The following TFCP2 variants were observed in gnomAD, a reference collection of about 807,000 sequenced individuals.
The protein encoded by TFCP2 is alpha-globin transcription factor CP2.
A neutral mutation model predicts 73.4 loss-of-function variants in TFCP2; 33 were observed. The ratio of observed to expected loss-of-function variants is 0.45; its 90% confidence interval spans 0.34 to 0.60. TFCP2 has a LOEUF of 0.60. TFCP2 is among the 20% of genes least tolerant of loss of function. The pLI is 0.01. For synonymous variants in TFCP2, 193 were observed against 211.6 expected (o/e 0.91, Z 0.76); for missense variants, 352 against 604.0 (o/e 0.58, Z 4.37).
At chr12:51,100,657 A>G (rs7969803) in intron 11 of TFCP2, among the ~76,000 whole-genome samples, 65,928 of 151,944 alleles carry the variant, frequency 0.43, 16,043 homozygotes, top group Non-Finnish European at 0.56. Context: ...CTCTACAAAA[A>G]GTACAAAATT....
intron 11 of TFCP2, among the ~76,000 whole-genome samples, chr12:51,101,019 A>C (rs1042124555): frequency 6.6e-6 from 1 of 151,988 alleles, no homozygotes; most frequent in Admixed American, 6.6e-5. Flanking sequence ...TCCTACCCAC[A>C]TTTGCCGGGT....
At chr12:51,098,643 A>G in intron 13 of TFCP2, 133 bp downstream of exon 13, 2 of 1,028,634 alleles carry the variant, frequency 1.9e-6, no homozygotes, top group Non-Finnish European at 1.4e-6. Flanking sequence ...AAAAATTAGG[A>G]GGAAAGCAAG....
At chr12:51,136,649 A>AC (rs76051705) in intron 1 of TFCP2, among the ~76,000 whole-genome samples, 149,783 of 152,266 alleles carry the variant, frequency 0.98, 73,712 homozygotes, top group Middle Eastern at 1. Context: ...TAAAAACTAC[A>AC]CATAGGCTGG....
At chr12:51,102,181 G>C (rs1940125296) in intron 10 of TFCP2, among the ~76,000 whole-genome samples, 156 bp from the exon 11 acceptor site, 1 of 152,048 alleles carries the variant, frequency 6.6e-6, no homozygotes, top group Non-Finnish European at 1.5e-5. Flanking sequence ...CTGGCTCCTA[G>C]CTCCTCTCCC....
intron 1 of TFCP2, among the ~76,000 whole-genome samples, chr12:51,162,566 T>C (rs1015519474): frequency 2.6e-5 from 4 of 152,220 alleles, no homozygotes; most frequent in African/African-American, 9.7e-5. Context: ...GCTTCTCTTT[T>C]TTGTGGTGAA....
chr12:51,169,203 G>A (rs1003594776), intron 1 of TFCP2, among the ~76,000 whole-genome samples: 3 of 151,924 alleles, frequency 2.0e-5, no homozygotes, highest in African/African-American at 7.2e-5. Flanking sequence ...GATTAAATGT[G>A]TATAAGTCAA....
chr12:51,144,975 C>A (rs10876142), intron 1 of TFCP2, among the ~76,000 whole-genome samples: 2 of 151,688 alleles, frequency 1.3e-5, no homozygotes, highest in Non-Finnish European at 2.9e-5. Flanking sequence ...CCGAGGTGGG[C>A]GGATCACTTG....
rs11347975 is a variant in TFCP2 at position 51,122,253 on chromosome 12, CTTTTTTT to C, written c.123-3488_123-3482del. 1.4e-4 allele frequency among the ~76,000 whole-genome samples: 10 copies of C among 73,142 alleles called. No individual in the cohort carries two copies. The East Asian group carries it at 2.7e-3, about 20-fold the overall frequency. 48.0% of individuals were successfully genotyped at this position (73,142 alleles called of 152,430 possible). A position where few individuals can be genotyped will look rare whatever the true frequency, so the allele number is the denominator to read the frequency against. ...GAAACAGTTTTATTTTTTTTCTTTT[CTTTTTTT>C]TTTTTTTTTTTTTTTTGAGATAGAG... On this transcript the variant is annotated intron_variant, in intron 1 of 14. Coordinates refer to ENST00000257915, the MANE Select transcript of TFCP2 (RefSeq NM_005653.5).
At position 51,167,478 on chromosome 12, in the gene TFCP2, C is replaced by T. The variant is rs112919659; in HGVS notation, c.122+4823G>A. Among the ~76,000 whole-genome samples the T allele has an allele frequency of 5.9e-3, 897 of 152,150 alleles. 6 individuals are homozygous for T. The highest frequency in any genetic ancestry group is 0.02 in the African/African-American group (831 of 41,496). On this transcript the variant is annotated intron_variant, in intron 1 of 14. Transcript: ENST00000257915. The stretch of plus-strand genomic sequence containing the variant: ...CTCGATCTTGGCTCACTGCAACCTC[C>T]GCCTCCCAGGTTTAAGTCATTCTCT...
chr12:51,160,140 T>TA (rs1160011115), intron 1 of TFCP2, among the ~76,000 whole-genome samples: 1 of 150,194 alleles, frequency 6.7e-6, no homozygotes, highest in Non-Finnish European at 1.5e-5. Flanking sequence ...TGAATTTTTT[T>TA]TTTTTTTTTT....
chr12:51,138,522 T>C (rs777225641), intron 1 of TFCP2, among the ~76,000 whole-genome samples: 22 of 152,194 alleles, frequency 1.4e-4, no homozygotes, highest in Non-Finnish European at 1.0e-4. Flanking sequence ...AGTACCAGAA[T>C]AGTTAGTCCT....
chr12:51,161,057 G>A (rs536278774), intron 1 of TFCP2, among the ~76,000 whole-genome samples: 2 of 152,126 alleles, frequency 1.3e-5, no homozygotes, highest in African/African-American at 2.4e-5. Flanking sequence ...AACTTAAAGG[G>A]AGAGAACACT....
At chr12:51,111,076 C>T in intron 4 of TFCP2, 93 bp from the exon 5 acceptor site, 2 of 876,108 alleles carry the variant, frequency 2.3e-6, no homozygotes, top group Non-Finnish European at 3.7e-6. Context: ...AATGTAGCTA[C>T]CAAGATTTTT....
intron 1 of TFCP2, chr12:51,156,981 A>C (rs1941548755): frequency 6.6e-6 from 1 of 151,924 alleles, no homozygotes; most frequent in Non-Finnish European, 1.5e-5. Flanking sequence ...ACCAGCCTAC[A>C]ATTGCTTATC....
At chr12:51,111,300 C>T (rs113766383) in intron 4 of TFCP2, among the ~76,000 whole-genome samples, 3 of 151,940 alleles carry the variant, frequency 2.0e-5, no homozygotes, top group South Asian at 2.1e-4. Flanking sequence ...CGTGCCACCA[C>T]GCCCGGCTAA....
chr12:51,107,983 G>T (rs1199727643), intron 6 of TFCP2, among the ~76,000 whole-genome samples: 1 of 151,196 alleles, frequency 6.6e-6, no homozygotes. Context: ...GTGTATAAAA[G>T]CATAGGAAGG....
chr12:51,135,988 A>G (rs1054147384), intron 1 of TFCP2, among the ~76,000 whole-genome samples: 8 of 152,124 alleles, frequency 5.3e-5, no homozygotes, highest in African/African-American at 1.7e-4. Context: ...TTTAGGTAGC[A>G]GGAATATAGC....
chr12:51,113,327 A>C (rs1940445626), intron 4 of TFCP2, among the ~76,000 whole-genome samples: 1 of 152,220 alleles, frequency 6.6e-6, no homozygotes, highest in East Asian at 1.9e-4. Flanking sequence ...TCAGAGAGGC[A>C]GACACCATGA....
intron 1 of TFCP2, among the ~76,000 whole-genome samples, chr12:51,171,215 C>G (rs1320385481): frequency 6.6e-6 from 1 of 152,092 alleles, no homozygotes; most frequent in Non-Finnish European, 1.5e-5. Flanking sequence ...CATTAGGAAA[C>G]CCAATTATAG....
Sources: gnomAD v4.1 joint callset for allele counts (sites outside exome capture counted in the v4.1 genomes callset) on GRCh38, gnomAD v4.1.1 for gene constraint, MANE v1.5 for transcripts, NCBI Gene and HGNC (gene_info 2026-07-23, HGNC 2026-07-21) for gene names.